The following PTPRR variants were observed in gnomAD, a reference collection of about 807,000 sequenced individuals.
PTPRR encodes the protein protein tyrosine phosphatase receptor type R.
A neutral mutation model predicts 77.2 loss-of-function variants in PTPRR; 38 were observed. The ratio of observed to expected loss-of-function variants is 0.49; its 90% CI spans 0.38 to 0.65. The LOEUF is 0.65. PTPRR is among the 30% of genes least tolerant of loss of function. The pLI is 0.00. For missense variants in PTPRR, 744 were observed against 799.2 expected (o/e 0.93, Z 0.83); for synonymous variants, 299 against 283.1 (o/e 1.06, Z -0.57).
At chr12:70,744,838 A>G (rs896592985) in intron 6 of PTPRR, among the ~76,000 whole-genome samples, 2 of 152,212 alleles carry the variant, frequency 1.3e-5, no homozygotes, top group Admixed American at 1.3e-4. Context: ...AGTTGGATAC[A>G]CTACAAGTCA....
At chr12:70,829,344 G>A (rs1892171720) in intron 2 of PTPRR, among the ~76,000 whole-genome samples, 1 of 152,174 alleles carries the variant, frequency 6.6e-6, no homozygotes, top group Admixed American at 6.5e-5. Context: ...AGGAAGAATA[G>A]TAAGGAAGGA....
At chr12:70,710,905 G>T (rs187480562) in intron 6 of PTPRR, among the ~76,000 whole-genome samples, 1 of 152,228 alleles carries the variant, frequency 6.6e-6, no homozygotes, top group East Asian at 1.9e-4. Context: ...AATGACATAT[G>T]CTGGCAAGGT....
At chr12:70,898,102 T>C (rs1363034553) in intron 1 of PTPRR, among the ~76,000 whole-genome samples, 3 of 151,850 alleles carry the variant, frequency 2.0e-5, no homozygotes, top group Non-Finnish European at 4.4e-5. Context: ...TGTATATGTA[T>C]GTAACAAACC....
chr12:70,820,428 A>G (rs1592775837), intron 2 of PTPRR, among the ~76,000 whole-genome samples: 1 of 151,866 alleles, frequency 6.6e-6, no homozygotes, highest in South Asian at 2.1e-4. Flanking sequence ...CCGCTTCCCG[A>G]GTTCACGCCA....
chr12:70,662,437 G>C, intron 11 of PTPRR, 58 bp downstream of exon 11: 1 of 986,002 alleles, frequency 1.0e-6, no homozygotes, highest in Non-Finnish European at 1.5e-6. Flanking sequence ...TTTCAAAGTA[G>C]AAATGTAATC....
chr12:70,885,506 G>T (rs959903657), intron 2 of PTPRR, among the ~76,000 whole-genome samples: 1 of 150,692 alleles, frequency 6.6e-6, no homozygotes, highest in Non-Finnish European at 1.5e-5. Flanking sequence ...GAGAGAGCAA[G>T]ATTACCTTAG....
At chr12:70,834,516 G>A (rs1347845687) in intron 2 of PTPRR, among the ~76,000 whole-genome samples, 2 of 152,104 alleles carry the variant, frequency 1.3e-5, no homozygotes, top group East Asian at 3.9e-4. Flanking sequence ...TAGAGAAACT[G>A]CTTTCATTAT....
At chr12:70,658,883 GTTTTTTT>G (rs746595856) in intron 12 of PTPRR, among the ~76,000 whole-genome samples, 214 of 36,928 alleles carry the variant, frequency 5.8e-3, no homozygotes, top group African/African-American at 0.02. Context: ...TTTTGCTCTA[GTTTTTTT>G]TTTTTTTTTT....
intron 1 of PTPRR, among the ~76,000 whole-genome samples, chr12:70,902,787 A>T (rs1370320112): frequency 2.0e-5 from 3 of 151,738 alleles, no homozygotes; most frequent in Non-Finnish European, 4.4e-5. Context: ...GGTGCAGTAC[A>T]TACTGGTTGG....
intron 10 of PTPRR, among the ~76,000 whole-genome samples, chr12:70,674,851 T>C (rs577803120): frequency 5.1e-4 from 77 of 152,284 alleles, no homozygotes; most frequent in African/African-American, 1.8e-3. Flanking sequence ...CCCAGTGTGA[T>C]GGTGATTTAT....
At chr12:70,677,107 A>G (rs1592662951) in intron 10 of PTPRR, among the ~76,000 whole-genome samples, 1 of 152,074 alleles carries the variant, frequency 6.6e-6, no homozygotes, top group African/African-American at 2.4e-5. Context: ...AATGATTTAT[A>G]GTTTTCAGTA....
intron 2 of PTPRR, among the ~76,000 whole-genome samples, chr12:70,868,043 G>C: frequency 6.6e-6 from 1 of 151,934 alleles, no homozygotes; most frequent in Admixed American, 6.6e-5. Context: ...AATTCAAGAT[G>C]GATTAAAGAC....
At chr12:70,876,067 G>A (rs1474983380) in intron 2 of PTPRR, among the ~76,000 whole-genome samples, 1 of 152,102 alleles carries the variant, frequency 6.6e-6, no homozygotes, top group African/African-American at 2.4e-5. Context: ...TTGCTGGTGG[G>A]AAGATAAATT....
At chr12:70,820,344 T>C (rs1891983354) in intron 2 of PTPRR, among the ~76,000 whole-genome samples, 1 of 152,198 alleles carries the variant, frequency 6.6e-6, no homozygotes, top group Admixed American at 6.5e-5. Flanking sequence ...TTTCTTTTTT[T>C]GGTGAGATGG....
At chr12:70,713,816 C>T (rs2136822228) in intron 6 of PTPRR, among the ~76,000 whole-genome samples, 1 of 152,128 alleles carries the variant, frequency 6.6e-6, no homozygotes, top group South Asian at 2.1e-4. Context: ...ATATGCCTTC[C>T]CATTCTATGA....
chr12:70,835,888 G>C lies in PTPRR; in HGVS notation c.357+56791C>G, dbSNP rs896062135. ...CCCAGTACACTTATTTCATTGAAAC[G>C]GTAGCTCAGTAAACTCCTACTTAGC... is the stretch of plus-strand genomic sequence containing the variant. On this transcript the variant is annotated intron_variant, in intron 2 of 13. Transcript: ENST00000283228. 1.3e-5 allele frequency among the ~76,000 whole-genome samples: 2 copies of C among 151,916 alleles called. 1 individual carries two copies. The highest frequency in any genetic ancestry group is 1.3e-4 in the Admixed American group (2 of 15,252).
At chr12:70,694,650 A>G (rs1013634190) in intron 8 of PTPRR, among the ~76,000 whole-genome samples, 2 of 152,046 alleles carry the variant, frequency 1.3e-5, no homozygotes, top group Non-Finnish European at 2.9e-5. Flanking sequence ...TGGGACTCCA[A>G]AAAAAGGGAG....
intron 1 of PTPRR, among the ~76,000 whole-genome samples, chr12:70,906,273 A>C (rs996554814): frequency 6.6e-6 from 1 of 151,972 alleles, no homozygotes; most frequent in East Asian, 1.9e-4. Context: ...CTAGATTAGA[A>C]ATATATTTCA....
At chr12:70,639,752 T>C (rs1351468421) in intron 13 of PTPRR, 1 of 152,894 alleles carries the variant, frequency 6.5e-6, no homozygotes, top group African/African-American at 2.4e-5. Flanking sequence ...TTGTATTACT[T>C]CTCAGGTGCC....
Sources: gnomAD v4.1 joint callset for allele counts (sites outside exome capture counted in the v4.1 genomes callset) on GRCh38, gnomAD v4.1.1 for gene constraint, MANE v1.5 for transcripts, NCBI Gene and HGNC (gene_info 2026-07-23, HGNC 2026-07-21) for gene names.